The following ZMYM4 variants were observed in gnomAD, a reference collection of about 807,000 sequenced individuals.
The protein encoded by ZMYM4 is zinc finger MYM-type containing 4.
A neutral mutation model predicts 183.2 loss-of-function variants in ZMYM4; 31 were observed. That is an observed-to-expected ratio of 0.17 (90% CI 0.13 to 0.23). The LOEUF (loss-of-function observed/expected upper bound fraction) is 0.23, where lower values mean the gene tolerates loss of function less well. ZMYM4 is among the 10% of genes least tolerant of loss of function. The pLI is 1.00. For synonymous variants in ZMYM4, 592 were observed against 631.2 expected (o/e 0.94, Z 0.93); for missense variants, 1,273 against 1,840.3 (o/e 0.69, Z 5.64).
At chr1:35,417,026 T>A (rs1342465575) in intron 28 of ZMYM4, among the ~76,000 whole-genome samples, 1 of 152,000 alleles carries the variant, frequency 6.6e-6, no homozygotes, top group Non-Finnish European at 1.5e-5. Context: ...ATGGGTGAGT[T>A]TTGTTAAAGT....
At chr1:35,373,709 TTA>T (rs1644270269) in intron 7 of ZMYM4, among the ~76,000 whole-genome samples, 1 of 151,428 alleles carries the variant, frequency 6.6e-6, no homozygotes, top group South Asian at 2.1e-4. Context: ...GGCTAATTTT[TTA>T]TATGTTTAGT....
chr1:35,329,122 C>A (rs1642627575), intron 2 of ZMYM4, among the ~76,000 whole-genome samples: 1 of 152,146 alleles, frequency 6.6e-6, no homozygotes, highest in Admixed American at 6.6e-5. Context: ...GAGGCTAACC[C>A]CGTTTGTGAA....
At chr1:35,320,624 G>A (rs1015166678) in intron 1 of ZMYM4, among the ~76,000 whole-genome samples, 4 of 152,194 alleles carry the variant, frequency 2.6e-5, no homozygotes, top group Non-Finnish European at 4.4e-5. Flanking sequence ...CTTGTGATTG[G>A]TATCTGAAGT....
chr1:35,270,864 A>G (rs1639562702), intron 1 of ZMYM4, among the ~76,000 whole-genome samples: 1 of 152,082 alleles, frequency 6.6e-6, no homozygotes, highest in Non-Finnish European at 1.5e-5. Context: ...CAGTCGTGTT[A>G]TTTTAATGCA....
intron 1 of ZMYM4, among the ~76,000 whole-genome samples, chr1:35,296,747 T>C (rs1641032062): frequency 6.6e-6 from 1 of 152,156 alleles, no homozygotes; most frequent in Non-Finnish European, 1.5e-5. Flanking sequence ...AAATAGTCAG[T>C]TTCATTCTGA....
At chr1:35,341,681 G>A (rs1304692491) in intron 2 of ZMYM4, among the ~76,000 whole-genome samples, 1 of 151,430 alleles carries the variant, frequency 6.6e-6, no homozygotes, top group Non-Finnish European at 1.5e-5. Context: ...CTTTTTTCCA[G>A]CTTCTTCACA....
At position 35,381,363 on chromosome 1, in the gene ZMYM4, A is replaced by C; in HGVS notation, c.1286A>C (p.Lys429Thr). The C allele has an allele frequency of 6.2e-7, 1 of 1,613,344 alleles. No homozygotes were observed. ...QSCLSTYELK[K>T]KPIVTINTNS... The stretch of plus-strand genomic sequence containing the variant: ...TGTTTGTCAACATATGAACTGAAAA[A>C]AAAACCTATTGTTACCATAAATACA... Residue 429 changes from lysine (K) to threonine (T), a missense_variant, in exon 8 of 30, where the codon AAA becomes ACA. By Grantham distance (78) the Lys-to-Thr change is moderately conservative. Around this residue, in one of 6 missense-constraint regions of ZMYM4, gnomAD observed 319 missense variants for 518.1 expected, o/e 0.62. Transcript: ENST00000314607.
chr1:35,396,413 C>T (rs1258593719), intron 18 of ZMYM4, 139 bp from the exon 19 acceptor site: 2 of 1,191,618 alleles, frequency 1.7e-6, no homozygotes, highest in East Asian at 2.6e-5. Flanking sequence ...AGTTATTTCT[C>T]CTTTGTAAGA....
intron 13 of ZMYM4, among the ~76,000 whole-genome samples, 167 bp from the exon 14 acceptor site, chr1:35,388,743 G>T (rs1644636763): frequency 6.6e-6 from 1 of 151,558 alleles, no homozygotes; most frequent in African/African-American, 2.4e-5. Flanking sequence ...TTGCCATGTT[G>T]CCCAGGCTGG....
At position 35,331,826 on chromosome 1, in the gene ZMYM4, A is replaced by ATAAG. The variant is rs1372585923; in HGVS notation, c.85+6424_85+6425insGTAA. Among the ~76,000 whole-genome samples the ATAAG allele has an allele frequency of 1.1e-3, 161 of 150,736 alleles. 1 individual carries two copies. The highest frequency in any genetic ancestry group is 1.6e-3 in the Non-Finnish European group (107 of 67,728). The stretch of plus-strand genomic sequence containing the variant: ...AATAAATAAATAAATAAATAAATAA[A>ATAAG]TAAATAAATAAAATTGTGGTATCAA... On this transcript the variant is annotated intron_variant, in intron 2 of 29. Transcript: ENST00000314607.
In ZMYM4 at chr1:35,389,696, A is replaced by G. The variant is rs901742875; in HGVS notation, c.2437-252A>G. Reference sequence around the variant, plus strand: ...CATGAACCCAGGAGGTGGAGCTTGCAGTGAGCTGAGATCACGCCACTGCAC... The same window carrying G: ...CATGAACCCAGGAGGTGGAGCTTGCGGTGAGCTGAGATCACGCCACTGCAC... On this transcript the variant is annotated intron_variant, in intron 14 of 29. Coordinates refer to ENST00000314607, the MANE Select transcript of ZMYM4 (RefSeq NM_005095.3). This position sits in a 1 kb window ranked among gnomAD's most constrained non-coding sequence, Gnocchi z 4.0. Among the ~76,000 whole-genome samples, 10 of 151,228 alleles carry G rather than the reference A, an allele frequency of 6.6e-5. No individual in the cohort carries two copies. The highest frequency in any genetic ancestry group is 2.4e-4 in the African/African-American group (10 of 41,158).
At chr1:35,287,040 A>G (rs879262588) in intron 1 of ZMYM4, among the ~76,000 whole-genome samples, 4 of 151,472 alleles carry the variant, frequency 2.6e-5, no homozygotes, top group Non-Finnish European at 4.4e-5. Context: ...CTTTTCTTAG[A>G]TCTTTATTTG....
chr1:35,299,816 A>T (rs1641193305), intron 1 of ZMYM4, among the ~76,000 whole-genome samples: 1 of 150,020 alleles, frequency 6.7e-6, no homozygotes, highest in African/African-American at 2.5e-5. Context: ...TTTTTATGAG[A>T]CAGAGTCTTG....
intron 7 of ZMYM4, among the ~76,000 whole-genome samples, chr1:35,380,067 T>A (rs1644419672): frequency 6.6e-6 from 1 of 152,180 alleles, no homozygotes; most frequent in Non-Finnish European, 1.5e-5. Context: ...CTGATAGACT[T>A]GTGTGAGGCA....
intron 2 of ZMYM4, among the ~76,000 whole-genome samples, chr1:35,336,262 GTGT>G: frequency 6.6e-6 from 1 of 152,050 alleles, no homozygotes; most frequent in South Asian, 2.1e-4. Context: ...CATGTAGCAT[GTGT>G]TAGAATTGCC....
intron 7 of ZMYM4, among the ~76,000 whole-genome samples, chr1:35,376,716 G>A (rs1644342020): frequency 6.6e-6 from 1 of 151,794 alleles, no homozygotes; most frequent in African/African-American, 2.4e-5. Flanking sequence ...AGTAGAGATG[G>A]GGTTTCACCG....
intron 1 of ZMYM4, among the ~76,000 whole-genome samples, chr1:35,317,724 A>T (rs1439188611): frequency 6.6e-6 from 1 of 152,202 alleles, no homozygotes; most frequent in African/African-American, 2.4e-5. Context: ...AGATTACTTA[A>T]GGCAGGTAAT....
chr1:35,376,945 T>C (rs1644347977), intron 7 of ZMYM4, among the ~76,000 whole-genome samples: 1 of 152,100 alleles, frequency 6.6e-6, no homozygotes, highest in Admixed American at 6.5e-5. Flanking sequence ...CTTGCCCTGT[T>C]GCCCAGGCTG....
At chr1:35,339,447 A>T (rs575727178) in intron 2 of ZMYM4, among the ~76,000 whole-genome samples, 7 of 152,006 alleles carry the variant, frequency 4.6e-5, no homozygotes, top group Non-Finnish European at 7.4e-5. Flanking sequence ...ACTGGCCAGG[A>T]TGGTCTCAAA....
Sources: gnomAD v4.1 joint callset for allele counts (sites outside exome capture counted in the v4.1 genomes callset) on GRCh38, gnomAD v4.1.1 for gene constraint, gnomAD v4.1.1 regional missense constraint, Gnocchi (gnomAD v3.1) non-coding constraint, MANE v1.5 for transcripts, NCBI Gene and HGNC (gene_info 2026-07-23, HGNC 2026-07-21) for gene names.